UNC79: variants seen among roughly 807,000 people sequenced by gnomAD.
UNC79 encodes unc-79 subunit of NALCN channel complex.
UNC79 carries 37 observed loss-of-function variants against 283.1 expected under a neutral mutation model. The observed-to-expected ratio is 0.13, with a 90% CI of 0.10 to 0.17. The LOEUF is 0.17. Among genes scored for constraint, UNC79 ranks in the 10% least tolerant of loss-of-function variants. The pLI, the probability that UNC79 is intolerant of heterozygous loss-of-function variation, is 1.00. For synonymous variants in UNC79, 1,107 were observed against 1,200.2 expected (o/e 0.92, Z 1.61); for missense variants, 2,272 against 3,211.1 (o/e 0.71, Z 7.07).
chr14:93,580,456 C>T (rs895542533), intron 19 of UNC79, 80 bp downstream of exon 19: 20 of 1,359,302 alleles, frequency 1.5e-5, no homozygotes, highest in Non-Finnish European at 1.8e-5. Flanking sequence ...AGTCTTCCTC[C>T]AGCAGCATCT....
chr14:93,652,233 G>A (rs1222924944), intron 35 of UNC79, among the ~76,000 whole-genome samples: 1 of 151,944 alleles, frequency 6.6e-6, no homozygotes, highest in African/African-American at 2.4e-5. Context: ...AGCAAATTGA[G>A]GTATTTCCAG....
intron 5 of UNC79, among the ~76,000 whole-genome samples, chr14:93,494,396 C>A (rs761624483): frequency 6.6e-6 from 1 of 152,142 alleles, no homozygotes; most frequent in Non-Finnish European, 1.5e-5. Flanking sequence ...TGGTTCTACT[C>A]ACTGATACTG....
chr14:93,564,486 C>T (rs2062755955), intron 14 of UNC79, among the ~76,000 whole-genome samples: 1 of 152,100 alleles, frequency 6.6e-6, no homozygotes, highest in Admixed American at 6.5e-5. Context: ...TACCCGATAT[C>T]CTTTGGAGAA....
chr14:93,563,314 T>C (rs2062676724), intron 14 of UNC79, among the ~76,000 whole-genome samples: 1 of 152,190 alleles, frequency 6.6e-6, no homozygotes, highest in Non-Finnish European at 1.5e-5. Flanking sequence ...TGCCTTTTGA[T>C]GGCCCTTGCA....
intron 14 of UNC79, among the ~76,000 whole-genome samples, chr14:93,558,890 C>T (rs1326287507): frequency 1.3e-5 from 2 of 152,016 alleles, no homozygotes; most frequent in East Asian, 1.9e-4. Flanking sequence ...CAAGATGCCA[C>T]CCAGTGGGCC....
intron 26 of UNC79, among the ~76,000 whole-genome samples, chr14:93,607,512 T>C (rs2139672362): frequency 6.6e-6 from 1 of 152,338 alleles, no homozygotes; most frequent in African/African-American, 2.4e-5. Flanking sequence ...TACCTCTTGA[T>C]GAACTGGTCT....
intron 1 of UNC79, among the ~76,000 whole-genome samples, chr14:93,355,137 C>T (rs2054059195): frequency 6.6e-6 from 1 of 151,432 alleles, no homozygotes; most frequent in African/African-American, 2.4e-5. Flanking sequence ...TCAAGCAATT[C>T]TCCTGCCTCA....
intron 1 of UNC79, among the ~76,000 whole-genome samples, chr14:93,376,720 G>C (rs1221055727): frequency 2.6e-5 from 4 of 152,072 alleles, no homozygotes; most frequent in African/African-American, 7.2e-5. Flanking sequence ...TTTGGGTATA[G>C]TGTGATAAAT....
chr14:93,467,087 G>A (rs1291082928), intron 1 of UNC79, among the ~76,000 whole-genome samples: 1 of 152,058 alleles, frequency 6.6e-6, no homozygotes, highest in Non-Finnish European at 1.5e-5. Context: ...CACTCATCAT[G>A]TTAATCTACT....
chr14:93,608,052 G>T (rs2066011148), intron 26 of UNC79, among the ~76,000 whole-genome samples: 1 of 152,138 alleles, frequency 6.6e-6, no homozygotes, highest in African/African-American at 2.4e-5. Flanking sequence ...TTGAGATGGG[G>T]TCTTGCTATG....
At chr14:93,403,910 T>C (rs1308929639) in intron 1 of UNC79, among the ~76,000 whole-genome samples, 1 of 151,926 alleles carries the variant, frequency 6.6e-6, no homozygotes, top group Non-Finnish European at 1.5e-5. Context: ...GCTAGACTCT[T>C]ATATCCACTT....
chr14:93,671,719 C>A (rs539050569), intron 40 of UNC79, among the ~76,000 whole-genome samples: 2 of 152,220 alleles, frequency 1.3e-5, no homozygotes, highest in Admixed American at 1.3e-4. Flanking sequence ...TTGCAGTGAG[C>A]TGAGATAGTA....
At position 93,538,021 on chromosome 14, in the gene UNC79, C is replaced by T. The variant is rs777085259; in HGVS notation, c.1155C>T (p.Val385=). 20 of 1,613,950 alleles carry T rather than the reference C, an allele frequency of 1.2e-5. No homozygotes were observed. In the South Asian group the frequency reaches 2.2e-4, roughly 18 times the overall value. ...GTTCCCACGTTAGAAGAGCAGTTGT[C>T]ACCTGCTTCTCAGCAGGGTGCTGTG... The change falls in exon 12 of 49, where the codon GTC becomes GTT. Residue 385 remains valine (V), a synonymous_variant. Transcript: ENST00000555664.
Position 93,347,371 on chromosome 14 carries a change from C to T in UNC79, c.-351+13848C>T, listed in dbSNP as rs1322209448. On this transcript the variant is annotated intron_variant, in intron 1 of 49. Coordinates refer to the UNC79 transcript ENST00000256339. ...CCGCTTCGCCCACTCGGGGCCCCCG[C>T]GCCAGCGGCCCCTGTCTGCCGCGGT... 7 of 1,563,776 alleles carry T rather than the reference C, an allele frequency of 4.5e-6. No individual in the cohort carries two copies. In the African/African-American group the frequency reaches 9.5e-5, roughly 21 times the overall value.
At chr14:93,668,977 C>CT (rs2072525649) in intron 40 of UNC79, among the ~76,000 whole-genome samples, 1 of 63,530 alleles carries the variant, frequency 1.6e-5, no homozygotes, top group African/African-American at 7.3e-5. Context: ...AGAACATTGT[C>CT]TAAAAAAAAA....
chr14:93,436,062 G>A (rs2056075947), intron 1 of UNC79, among the ~76,000 whole-genome samples: 1 of 152,098 alleles, frequency 6.6e-6, no homozygotes, highest in South Asian at 2.1e-4. Flanking sequence ...TCTCCAGTGT[G>A]CAATCCCTTG....
At chr14:93,500,739 G>C (rs1457763716) in intron 7 of UNC79, among the ~76,000 whole-genome samples, 2 of 152,076 alleles carry the variant, frequency 1.3e-5, no homozygotes, top group East Asian at 3.9e-4. Flanking sequence ...AAATAATAAG[G>C]GCACAGATTG....
At chr14:93,618,830 C>T (rs867089080) in intron 29 of UNC79, among the ~76,000 whole-genome samples, 1 of 152,252 alleles carries the variant, frequency 6.6e-6, no homozygotes, top group Admixed American at 6.5e-5. Context: ...GGAAATGAAA[C>T]ATTTTTGCTG....
In UNC79 at chr14:93,659,181, A is replaced by G. The variant is rs1222881719; in HGVS notation, c.6457-12A>G. 13 of 1,592,992 alleles carry G rather than the reference A, an allele frequency of 8.2e-6. No individual in the cohort carries two copies. The Admixed American group carries it at 2.3e-4, about 28-fold the overall frequency. ...GAAACTAATTTTTACTTTTTTTCAT[A>G]TTTATTCACAGTGTTCTTTAGATTC... On this transcript the variant is annotated splice_polypyrimidine_tract_variant and intron_variant, in intron 38 of 48. Transcript: ENST00000555664.
Sources: gnomAD v4.1 joint callset for allele counts (sites outside exome capture counted in the v4.1 genomes callset) on GRCh38, gnomAD v4.1.1 for gene constraint, MANE v1.5 for transcripts, NCBI Gene and HGNC (gene_info 2026-07-23, HGNC 2026-07-21) for gene names.